USP47: variants seen among roughly 807,000 people sequenced by gnomAD.
USP47 encodes the protein ubiquitin specific peptidase 47, also known as ubiquitin carboxyl-terminal hydrolase 47.
USP47 carries 35 observed loss-of-function variants against 165.1 expected under a neutral mutation model. That is an observed-to-expected ratio of 0.21 (90% CI 0.16 to 0.28). The LOEUF (loss-of-function observed/expected upper bound fraction) is 0.28, where lower values mean the gene tolerates loss of function less well. Among genes scored for constraint, USP47 ranks in the 10% least tolerant of loss-of-function variants. The pLI is 1.00. For missense variants in USP47, 1,277 were observed against 1,607.4 expected (o/e 0.79, Z 3.52); for synonymous variants, 531 against 544.5 (o/e 0.98, Z 0.35).
intron 3 of USP47, 100 bp from the exon 4 acceptor site, chr11:11,891,868 T>G: frequency 7.0e-7 from 1 of 1,428,888 alleles, no homozygotes; most frequent in East Asian, 2.4e-5. Flanking sequence ...CAGAGTGTTT[T>G]GTATCAGGCA....
chr11:11,843,877 A>T (rs941309829), intron 1 of USP47, among the ~76,000 whole-genome samples: 3 of 152,208 alleles, frequency 2.0e-5, no homozygotes, highest in Non-Finnish European at 2.9e-5. Flanking sequence ...GAGGCTTTAA[A>T]TTCATCACAA....
rs571975306 is a variant in USP47 at position 11,956,328 on chromosome 11, C to T, written c.*153C>T. On this transcript the variant is annotated 3_prime_UTR_variant, in exon 28 of 28. Transcript: ENST00000527733. ...CCCTACACCAATCAGAAGCTCAGTGCCCAATGGGCCACTGTTTTGACTCGG... is the reference window on the plus strand; with the variant it reads ...CCCTACACCAATCAGAAGCTCAGTGTCCAATGGGCCACTGTTTTGACTCGG... 2 of 618,202 alleles carry T rather than the reference C, an allele frequency of 3.2e-6. No individual in the cohort carries two copies. Among genetic ancestry groups the T allele is most frequent in the Admixed American group, 7.1e-5 (2 of 28,058 alleles). The allele number at this position is 618,202 out of a possible 1,614,324, so 38.3% of individuals were successfully genotyped here. A position where few individuals can be genotyped will look rare whatever the true frequency, so the allele number is the denominator to read the frequency against.
chr11:11,893,075 C>T (rs923745170), intron 4 of USP47, among the ~76,000 whole-genome samples: 1 of 151,856 alleles, frequency 6.6e-6, no homozygotes, highest in African/African-American at 2.4e-5. Flanking sequence ...TTTCTCAATA[C>T]GATTAAGCCT....
intron 1 of USP47, among the ~76,000 whole-genome samples, chr11:11,861,708 C>T (rs1207733417): frequency 6.6e-6 from 1 of 152,004 alleles, no homozygotes; most frequent in East Asian, 1.9e-4. Flanking sequence ...GAGGGACACC[C>T]TAATACTAGA....
chr11:11,905,274 T>C, intron 7 of USP47, 125 bp from the exon 8 acceptor site: 1 of 399,750 alleles, frequency 2.5e-6, no homozygotes, highest in Middle Eastern at 8.1e-4. Context: ...AATATTAATG[T>C]TTTCAAAGAT....
chr11:11,864,217 T>C (rs1423809361), intron 1 of USP47, among the ~76,000 whole-genome samples: 1 of 152,108 alleles, frequency 6.6e-6, no homozygotes, highest in Non-Finnish European at 1.5e-5. Flanking sequence ...TATTTTATGC[T>C]TATATTTATT....
At chr11:11,866,699 T>C (rs183626862) in intron 1 of USP47, among the ~76,000 whole-genome samples, 20 of 152,276 alleles carry the variant, frequency 1.3e-4, no homozygotes, top group Admixed American at 7.8e-4. Context: ...GAAATCTCTG[T>C]TTTTGCATTC....
intron 19 of USP47, among the ~76,000 whole-genome samples, chr11:11,941,880 T>G (rs552806286): frequency 6.6e-5 from 10 of 152,226 alleles, no homozygotes; most frequent in Admixed American, 6.6e-4. Context: ...CCAAGTCATT[T>G]GCCCATTAAA....
chr11:11,938,695 G>A (rs1855252068), intron 18 of USP47, among the ~76,000 whole-genome samples: 1 of 152,006 alleles, frequency 6.6e-6, no homozygotes, highest in East Asian at 1.9e-4. Flanking sequence ...TAGGCAATAA[G>A]TCGAGTTTTT....
intron 27 of USP47, among the ~76,000 whole-genome samples, chr11:11,955,603 T>C (rs1472196830): frequency 6.6e-6 from 1 of 152,218 alleles, no homozygotes; most frequent in Non-Finnish European, 1.5e-5. Context: ...AGAATAGTCA[T>C]TGGAGCCTCA....
intron 5 of USP47, among the ~76,000 whole-genome samples, chr11:11,900,449 C>T (rs1158036712): frequency 3.3e-5 from 5 of 152,006 alleles, no homozygotes; most frequent in Admixed American, 6.6e-5. Flanking sequence ...CGTGAGCCAC[C>T]GCGCCCGGCC....
chr11:11,938,757 T>C (rs565110028), intron 18 of USP47, among the ~76,000 whole-genome samples: 2 of 152,094 alleles, frequency 1.3e-5, no homozygotes, highest in South Asian at 4.1e-4. Flanking sequence ...CTGGTGACAC[T>C]AGACTAGCGT....
chr11:11,932,263 A>G (rs1289282166), intron 14 of USP47, among the ~76,000 whole-genome samples: 1 of 152,172 alleles, frequency 6.6e-6, no homozygotes, highest in African/African-American at 2.4e-5. Flanking sequence ...CCAAGCCATG[A>G]GGCTTGACCC....
intron 10 of USP47, among the ~76,000 whole-genome samples, chr11:11,922,348 T>C (rs1853898018): frequency 6.6e-6 from 1 of 151,988 alleles, no homozygotes; most frequent in Non-Finnish European, 1.5e-5. Flanking sequence ...ATTATATTCT[T>C]TCCTGATTTG....
At chr11:11,842,403 G>T (rs1848178272) in intron 1 of USP47, among the ~76,000 whole-genome samples, 179 bp downstream of exon 1, 1 of 151,982 alleles carries the variant, frequency 6.6e-6, no homozygotes, top group Non-Finnish European at 1.5e-5. Flanking sequence ...AGACCCGCTG[G>T]CTCTAGGGGC....
At chr11:11,900,372 G>T (rs982102539) in intron 5 of USP47, among the ~76,000 whole-genome samples, 4 of 151,968 alleles carry the variant, frequency 2.6e-5, no homozygotes, top group Admixed American at 6.6e-5. Context: ...GTGTTAGCCA[G>T]GATGGTCTCG....
At chr11:11,860,037 T>G (rs947654550) in intron 1 of USP47, among the ~76,000 whole-genome samples, 2 of 147,892 alleles carry the variant, frequency 1.4e-5, no homozygotes, top group Non-Finnish European at 1.5e-5. Flanking sequence ...CCGGGAGATG[T>G]AGGCTGCAGT....
At chr11:11,920,596 GTCT>G in intron 10 of USP47, 102 bp downstream of exon 10, 1 of 1,077,128 alleles carries the variant, frequency 9.3e-7, no homozygotes. Flanking sequence ...CATTTGGACT[GTCT>G]TCTTGATGGA....
At position 11,889,845 on chromosome 11, in the gene USP47, TA is replaced by T. The variant is rs570568092; in HGVS notation, c.358-2119del. 3.3e-5 allele frequency among the ~76,000 whole-genome samples: 5 copies of T among 152,210 alleles called. No homozygotes were observed. The South Asian group carries it at 1.0e-3, about 32-fold the overall frequency. ...AGTAATCAAAACATCATACTGCTGG[TA>T]AAAGAACAGACACATAGACCAATGG... On this transcript the variant is annotated intron_variant, in intron 3 of 27. Coordinates refer to ENST00000527733, the MANE Select transcript of USP47 (RefSeq NM_001282659.2).
Sources: gnomAD v4.1 joint callset for allele counts (sites outside exome capture counted in the v4.1 genomes callset) on GRCh38, gnomAD v4.1.1 for gene constraint, MANE v1.5 for transcripts, NCBI Gene and HGNC (gene_info 2026-07-23, HGNC 2026-07-21) for gene names.